The following CDCP2 variants were observed in gnomAD, a reference collection of about 807,000 sequenced individuals.
CDCP2 encodes the protein CUB domain-containing protein 2.
In CDCP2, 31 loss-of-function variants were observed where a neutral mutation model predicts 31.0. The observed-to-expected ratio is 1.00, with a 90% CI of 0.75 to 1.35. The LOEUF (loss-of-function observed/expected upper bound fraction) is 1.35. Among genes scored for constraint, CDCP2 ranks in the 40% most tolerant of loss-of-function variants. CDCP2 has a pLI of 0.00. For synonymous variants in CDCP2, 206 were observed against 207.9 expected (o/e 0.99, Z 0.08); for missense variants, 443 against 482.6 (o/e 0.92, Z 0.77).
intron 1 of CDCP2, among the ~76,000 whole-genome samples, chr1:54,150,389 G>A (rs999342709): frequency 1.2e-4 from 18 of 152,194 alleles, no homozygotes; most frequent in African/African-American, 4.3e-4. Context: ...GAGGTCAGGA[G>A]TTCGAGACCA....
chr1:54,139,272 A>G (rs1659311189), intron 4 of CDCP2: 1 of 503,010 alleles, frequency 2.0e-6, no homozygotes, highest in African/African-American at 1.9e-5. Flanking sequence ...CTGGACCAAT[A>G]CAGCAGCTGC....
intron 3 of CDCP2, 156 bp downstream of exon 3, chr1:54,140,942 C>A: frequency 3.6e-6 from 2 of 549,424 alleles, no homozygotes; most frequent in Non-Finnish European, 6.1e-6. Flanking sequence ...TATGTCTTGG[C>A]ATAGGCCAAG....
intron 2 of CDCP2, chr1:54,142,933 T>A (rs1279458235): frequency 2.6e-5 from 4 of 152,200 alleles, no homozygotes; most frequent in Non-Finnish European, 5.9e-5. Context: ...GACTTTAATA[T>A]CTTTAACAAG....
At position 54,139,795 on chromosome 1, in the gene CDCP2, G is replaced by A. The variant is rs562185443; in HGVS notation, c.1075C>T (p.Arg359Cys). Residue 359 changes from arginine to cysteine, a missense_variant, in exon 4 of 6, where the codon CGC (arginine) becomes TGC (cysteine). Transcript: ENST00000530059. ...GAGAAGCCCCTGCGGGTGGTGCTGC[G>A]GTCTGTGTGCAGCAGAAGCAGAAGC... The A allele has an allele frequency of 7.5e-5, 121 of 1,614,200 alleles. 1 individual carries two copies. The Admixed American group carries it at 1.1e-3, about 15-fold the overall frequency.
intron 2 of CDCP2, chr1:54,144,158 A>C (rs1348249486): frequency 7.4e-6 from 2 of 269,426 alleles, no homozygotes; most frequent in East Asian, 1.6e-4. Context: ...GAGCATTGCC[A>C]TGAAGGTGGG....
intron 4 of CDCP2, 104 bp downstream of exon 4, chr1:54,139,649 G>GC (rs1553173745): frequency 1.9e-6 from 3 of 1,613,478 alleles, no homozygotes; most frequent in African/African-American, 1.3e-5. Flanking sequence ...CATTCATGGG[G>GC]GGGGCAGGAC....
exon 5 of CDCP2, chr1:54,136,742 G>T (rs368811335): frequency 5.0e-6 from 2 of 399,158 alleles, no homozygotes; most frequent in Non-Finnish European, 8.8e-6. Flanking sequence ...CTCCAGCGGG[G>T]CCAGCGCCTG....
chr1:54,141,058 G>A, intron 3 of CDCP2, 40 bp downstream of exon 3: 1 of 1,483,958 alleles, frequency 6.7e-7, no homozygotes, highest in East Asian at 2.3e-5. Context: ...GAGCCCAGTA[G>A]GCACAGGAGG....
intron 1 of CDCP2, among the ~76,000 whole-genome samples, chr1:54,149,284 G>A (rs1455103377): frequency 6.6e-6 from 1 of 151,706 alleles, no homozygotes; most frequent in Non-Finnish European, 1.5e-5. Context: ...AGGTATTGAG[G>A]TTATATACAG....
Position 54,141,400 on chromosome 1 carries a change from C to G in CDCP2, c.461G>C (p.Gly154Ala), listed in dbSNP as rs750875550. ...GGGATACTCAGGACTGGTGAGGACC[C>G]CTGACAGGCCAGTCAGGACGCCGCC... Residue 154 changes from glycine to alanine, a missense_variant, in exon 3 of 6, where the codon GGG (glycine) becomes GCG (alanine). Physicochemically the swap from Gly to Ala is moderately conservative, Grantham distance 60. Transcript: ENST00000530059. The G allele has an allele frequency of 1.2e-6, 2 of 1,612,194 alleles. No individual in the cohort carries two copies. The highest frequency in any genetic ancestry group is 1.7e-6 in the Non-Finnish European group (2 of 1,178,888).
At chr1:54,142,777 C>T in intron 2 of CDCP2, 1 of 152,336 alleles carries the variant, frequency 6.6e-6, no homozygotes, top group Non-Finnish European at 1.5e-5. Flanking sequence ...TCCCTTCCAA[C>T]ACTAACAACC....
At chr1:54,133,728 C>A (rs1418095610) in intron 5 of CDCP2, among the ~76,000 whole-genome samples, 1 of 152,010 alleles carries the variant, frequency 6.6e-6, no homozygotes, top group African/African-American at 2.4e-5. Context: ...AACCCCATCT[C>A]TACTAAAAAT....
exon 5 of CDCP2, chr1:54,136,779 T>C (rs1459262579): frequency 2.5e-6 from 1 of 398,964 alleles, no homozygotes; most frequent in East Asian, 3.6e-5. Context: ...TGGAAGTCCG[T>C]GCGGGAGCAG....
At chr1:54,139,953 T>A (rs767224421) in exon 4 of CDCP2, 3 of 1,614,044 alleles carry the variant, frequency 1.9e-6, no homozygotes, top group South Asian at 2.2e-5. Context: ...GCTGTTGGGC[T>A]CCTCCAGGTC....
In CDCP2 at chr1:54,141,289, T is replaced by A. The variant is rs1224697505; in HGVS notation, c.572A>T (p.Gln191Leu). Residue 191 changes from glutamine to leucine, a missense_variant, in exon 3 of 6, where the codon CAG (glutamine) becomes CTG (leucine). By Grantham distance (113) the Gln-to-Leu change is moderately radical. Coordinates refer to ENST00000530059, the Ensembl canonical transcript of CDCP2. ...GGTGCACTCTTCATTGCCCTCCACC[T>A]GGAAGTCCACGAACACCAGCTTGAC... The A allele has an allele frequency of 2.5e-6, 4 of 1,614,082 alleles. No individual in the cohort carries two copies. The African/African-American group carries it at 5.3e-5, about 22-fold the overall frequency.
At chr1:54,140,036 G>A in exon 4 of CDCP2, 2 of 1,613,906 alleles carry the variant, frequency 1.2e-6, no homozygotes, top group South Asian at 1.1e-5. Flanking sequence ...GGATGTTGTT[G>A]GGGTAGGAGC....
chr1:54,133,858 T>A (rs1659211729), intron 5 of CDCP2, among the ~76,000 whole-genome samples: 1 of 145,118 alleles, frequency 6.9e-6, no homozygotes, highest in African/African-American at 2.6e-5. Flanking sequence ...ATCGAGCCAC[T>A]GCACTCCAGC....
chr1:54,139,976 G>C, exon 4 of CDCP2: 2 of 1,614,168 alleles, frequency 1.2e-6, no homozygotes, highest in Non-Finnish European at 1.7e-6. Context: ...GGTCCAGGAA[G>C]AACACCTTGA....
chr1:54,139,439 A>G, intron 4 of CDCP2: 2 of 1,106,276 alleles, frequency 1.8e-6, no homozygotes, highest in Non-Finnish European at 2.6e-6. Context: ...TCCCCTGGAT[A>G]CAGGGGACCA....
Sources: gnomAD v4.1 joint callset for allele counts (sites outside exome capture counted in the v4.1 genomes callset) on GRCh38, gnomAD v4.1.1 for gene constraint, MANE v1.5 for transcripts, NCBI Gene and HGNC (gene_info 2026-07-23, HGNC 2026-07-21) for gene names.